Variants in DPP6 observed in about 807,000 individuals in gnomAD.
DPP6 encodes A-type potassium channel modulatory protein DPP6.
Under a neutral mutation model 122.6 loss-of-function variants are expected in DPP6, and 69 were observed. That is an observed-to-expected ratio of 0.56 (90% confidence interval 0.46 to 0.69). The LOEUF (loss-of-function observed/expected upper bound fraction) is 0.69. Among genes scored for constraint, DPP6 ranks in the 30% least tolerant of loss-of-function variants. The probability of loss-of-function intolerance (pLI) is 0.00; values close to 1 mark genes in which losing one functional copy is unlikely to be tolerated. For synonymous variants in DPP6, 418 were observed against 433.1 expected (o/e 0.97, Z 0.43); for missense variants, 928 against 1,116.9 (o/e 0.83, Z 2.41).
intron 1 of DPP6, among the ~76,000 whole-genome samples, chr7:154,318,294 GT>G (rs1563469116): frequency 1.3e-5 from 2 of 152,090 alleles, no homozygotes; most frequent in East Asian, 3.9e-4. Context: ...CTCAATATTC[GT>G]CTCCCTCGTT....
At chr7:154,513,781 C>T (rs943113814) in intron 3 of DPP6, among the ~76,000 whole-genome samples, 2 of 152,064 alleles carry the variant, frequency 1.3e-5, no homozygotes, top group African/African-American at 2.4e-5. Context: ...TAGAGTCATC[C>T]TAGGAACAAC....
chr7:154,766,690 C>T (rs1178100199), intron 8 of DPP6, among the ~76,000 whole-genome samples: 1 of 152,230 alleles, frequency 6.6e-6, no homozygotes, highest in Non-Finnish European at 1.5e-5. Flanking sequence ...CATGGAAACA[C>T]TCTGGCATTT....
At chr7:154,007,337 G>T (rs1297262965) in intron 1 of DPP6, among the ~76,000 whole-genome samples, 2 of 152,124 alleles carry the variant, frequency 1.3e-5, no homozygotes, top group Non-Finnish European at 2.9e-5. Context: ...GTACAATAGT[G>T]GTTTTCAAAG....
At chr7:154,370,630 A>G (rs1435137816) in intron 1 of DPP6, among the ~76,000 whole-genome samples, 6 of 152,238 alleles carry the variant, frequency 3.9e-5, no homozygotes, top group African/African-American at 1.4e-4. Flanking sequence ...TAGTTTAATT[A>G]GCTGATTCAT....
chr7:154,441,240 G>A (rs905456013), intron 1 of DPP6, among the ~76,000 whole-genome samples: 6 of 152,174 alleles, frequency 3.9e-5, no homozygotes, highest in African/African-American at 1.4e-4. Context: ...CAAGTGGAAT[G>A]TGACCACTCT....
chr7:154,000,489 T>C (rs1223700075), intron 1 of DPP6, among the ~76,000 whole-genome samples: 8 of 152,122 alleles, frequency 5.3e-5, no homozygotes, highest in African/African-American at 1.9e-4. Flanking sequence ...GGGATGCTTA[T>C]GGAGGGCCCA....
chr7:154,590,950 C>G (rs2130729102), intron 5 of DPP6, among the ~76,000 whole-genome samples: 1 of 152,338 alleles, frequency 6.6e-6, no homozygotes, highest in East Asian at 1.9e-4. Context: ...GTGTCACCCA[C>G]TGGACCACAG....
At chr7:154,547,345 T>C (rs1481476299) in intron 4 of DPP6, among the ~76,000 whole-genome samples, 1 of 152,244 alleles carries the variant, frequency 6.6e-6, no homozygotes, top group Admixed American at 6.5e-5. Flanking sequence ...CTGAAATGTT[T>C]TGTTTGGCCC....
intron 18 of DPP6, among the ~76,000 whole-genome samples, chr7:154,871,186 C>T (rs1355024837): frequency 1.3e-5 from 2 of 152,160 alleles, no homozygotes; most frequent in African/African-American, 4.8e-5. Flanking sequence ...GCTTCCCAAG[C>T]CTGCAGCACT....
intron 1 of DPP6, among the ~76,000 whole-genome samples, chr7:153,912,905 C>G (rs1489197245): frequency 6.6e-6 from 1 of 152,124 alleles, no homozygotes; most frequent in Non-Finnish European, 1.5e-5. Context: ...TAGTAAACCT[C>G]TGAAATAGCC....
chr7:153,934,721 C>T (rs1485064394), intron 1 of DPP6, among the ~76,000 whole-genome samples: 3 of 152,146 alleles, frequency 2.0e-5, no homozygotes, highest in Non-Finnish European at 4.4e-5. Context: ...ACCACAGAGA[C>T]AGCAGTGCAG....
At chr7:153,922,448 G>A (rs114675868) in intron 1 of DPP6, among the ~76,000 whole-genome samples, 2,437 of 152,268 alleles carry the variant, frequency 0.016, 64 homozygotes, top group African/African-American at 0.056. Context: ...GCAGTGAGCC[G>A]TGGTAGCACC....
intron 16 of DPP6, among the ~76,000 whole-genome samples, chr7:154,832,585 C>G (rs1454272838): frequency 6.6e-6 from 1 of 152,162 alleles, no homozygotes; most frequent in Non-Finnish European, 1.5e-5. Context: ...CACAGCTGAT[C>G]AGGAGCTGAG....
intron 16 of DPP6, among the ~76,000 whole-genome samples, chr7:154,814,314 C>T (rs73730374): frequency 0.02 from 3,034 of 152,200 alleles, 98 homozygotes; most frequent in African/African-American, 0.069. Context: ...TTCACATTTC[C>T]ATGCTTTTGT....
chr7:153,790,262 A>C, the DPP6 span, among the ~76,000 whole-genome samples: 1 of 152,156 alleles, frequency 6.6e-6, no homozygotes, highest in African/African-American at 2.4e-5. Context: ...AAAATATAGG[A>C]GCATCTAGAG....
At chr7:154,557,731 C>T (rs2130444748) in intron 4 of DPP6, among the ~76,000 whole-genome samples, 1 of 152,040 alleles carries the variant, frequency 6.6e-6, no homozygotes, top group Middle Eastern at 3.4e-3. Context: ...AATGAATGAA[C>T]CATGCCATCC....
At chr7:153,840,468 C>T in the DPP6 span, among the ~76,000 whole-genome samples, 2 of 151,018 alleles carry the variant, frequency 1.3e-5, no homozygotes, top group East Asian at 3.9e-4. Context: ...TAGGAATTTT[C>T]TGAGAGCAGA....
intron 1 of DPP6, among the ~76,000 whole-genome samples, chr7:154,410,659 C>G (rs1299611640): frequency 6.6e-6 from 1 of 152,194 alleles, no homozygotes; most frequent in Non-Finnish European, 1.5e-5. Context: ...AAGGATCTTT[C>G]ATCGAAGGAT....
the DPP6 span, among the ~76,000 whole-genome samples, chr7:153,786,143 A>G: frequency 6.6e-6 from 1 of 152,194 alleles, no homozygotes; most frequent in African/African-American, 2.4e-5. Context: ...CATGACTAAT[A>G]GGTTTTCAGA....
Sources: allele counts gnomAD v4.1 joint callset (sites outside exome capture counted in the v4.1 genomes callset), GRCh38; gene constraint gnomAD v4.1.1; transcripts MANE v1.5; gene names NCBI Gene and HGNC (gene_info 2026-07-23, HGNC 2026-07-21).